Variants in HS6ST3 observed in about 807,000 individuals in gnomAD.
The protein encoded by HS6ST3 is heparan-sulfate 6-O-sulfotransferase 3.
In HS6ST3, 12 loss-of-function variants were observed where a neutral mutation model predicts 36.7. That is an observed-to-expected ratio of 0.33 (90% CI 0.21 to 0.53). The LOEUF is 0.53. Among genes scored for constraint, HS6ST3 ranks in the 20% least tolerant of loss-of-function variants. The pLI, the probability that HS6ST3 is intolerant of heterozygous loss-of-function variation, is 0.95. For missense variants in HS6ST3, 584 were observed against 640.9 expected (o/e 0.91, Z 0.96); for synonymous variants, 240 against 257.5 (o/e 0.93, Z 0.65).
chr13:96,597,304 A>G (rs542404235), intron 1 of HS6ST3, among the ~76,000 whole-genome samples: 2 of 151,894 alleles, frequency 1.3e-5, no homozygotes, highest in African/African-American at 4.8e-5. Flanking sequence ...GCTTACCTAC[A>G]TGACAAACCT....
chr13:96,437,054 C>T (rs1248173088), intron 1 of HS6ST3, among the ~76,000 whole-genome samples: 1 of 152,118 alleles, frequency 6.6e-6, no homozygotes, highest in Non-Finnish European at 1.5e-5. Context: ...TTCTAGAAGG[C>T]TGTAGTAGCT....
At chr13:96,297,527 C>T (rs777980484) in intron 1 of HS6ST3, among the ~76,000 whole-genome samples, 4 of 152,116 alleles carry the variant, frequency 2.6e-5, no homozygotes, top group African/African-American at 7.2e-5. Flanking sequence ...AGCAGGGTTC[C>T]TCCCAAATCA....
intron 1 of HS6ST3, among the ~76,000 whole-genome samples, chr13:96,123,634 T>A (rs917064179): frequency 1.3e-5 from 2 of 152,226 alleles, no homozygotes; most frequent in African/African-American, 4.8e-5. Flanking sequence ...TTTCCATTAC[T>A]GAGGAAAACC....
At chr13:96,661,279 C>T (rs1222034467) in intron 1 of HS6ST3, among the ~76,000 whole-genome samples, 2 of 152,096 alleles carry the variant, frequency 1.3e-5, no homozygotes, top group Non-Finnish European at 2.9e-5. Context: ...TATCTCCTTT[C>T]TTAGGTCTAG....
Position 96,799,966 on chromosome 13 carries a change from GTA to G in HS6ST3, c.708-32510_708-32509del, listed in dbSNP as rs1221321839. On this transcript the variant is annotated intron_variant, in intron 1 of 1. Coordinates refer to ENST00000376705, the MANE Select transcript of HS6ST3 (RefSeq NM_153456.4). ...TGTGTATATATATATATATATATGT[GTA>G]TATATATATATATGTATATATATAT... is the stretch of plus-strand genomic sequence containing the variant. Among the ~76,000 whole-genome samples the G allele has an allele frequency of 1.5e-3, 90 of 60,666 alleles. 4 individuals carry two copies. Among genetic ancestry groups the G allele is most frequent in the South Asian group, 8.0e-3 (21 of 2,640 alleles). The allele number at this position is 60,666 out of a possible 152,430, so 39.8% of individuals were successfully genotyped here.
chr13:96,293,469 C>T (rs77356465), intron 1 of HS6ST3, among the ~76,000 whole-genome samples: 321 of 152,108 alleles, frequency 2.1e-3, no homozygotes, highest in African/African-American at 7.0e-3. Context: ...AATTCTCATA[C>T]GTGTGCATAT....
intron 1 of HS6ST3, among the ~76,000 whole-genome samples, chr13:96,681,049 G>T (rs529861861): frequency 6.6e-6 from 1 of 152,252 alleles, no homozygotes; most frequent in East Asian, 1.9e-4. Flanking sequence ...TCCTCAAAAC[G>T]TGCCATATAG....
At chr13:96,686,548 G>A (rs908675470) in intron 1 of HS6ST3, among the ~76,000 whole-genome samples, 10 of 151,944 alleles carry the variant, frequency 6.6e-5, no homozygotes, top group African/African-American at 2.4e-4. Flanking sequence ...TTTGATTTTA[G>A]TACATCTACT....
chr13:96,116,991 T>C (rs1336946056), intron 1 of HS6ST3, among the ~76,000 whole-genome samples: 1 of 152,184 alleles, frequency 6.6e-6, no homozygotes, highest in Non-Finnish European at 1.5e-5. Flanking sequence ...TGACTACATA[T>C]ATAAACTTCA....
intron 1 of HS6ST3, among the ~76,000 whole-genome samples, chr13:96,309,282 G>A (rs928674044): frequency 4.6e-5 from 7 of 152,048 alleles, no homozygotes; most frequent in African/African-American, 1.4e-4. Context: ...TAAGCATAGC[G>A]CATAGGCATA....
intron 1 of HS6ST3, among the ~76,000 whole-genome samples, chr13:96,567,058 A>G (rs923550525): frequency 2.0e-5 from 3 of 152,182 alleles, no homozygotes. Flanking sequence ...AGAGGTATAG[A>G]TAGATGGATA....
chr13:96,415,935 T>A (rs1008740387), intron 1 of HS6ST3, among the ~76,000 whole-genome samples: 1 of 152,212 alleles, frequency 6.6e-6, no homozygotes, highest in Non-Finnish European at 1.5e-5. Context: ...AGTTGACTAT[T>A]AAAACTGAGA....
intron 1 of HS6ST3, among the ~76,000 whole-genome samples, chr13:96,242,554 T>C (rs975481746): frequency 2.6e-5 from 4 of 151,946 alleles, no homozygotes; most frequent in African/African-American, 9.7e-5. Context: ...AGTGGAATCA[T>C]ACAGTATTTG....
intron 1 of HS6ST3, among the ~76,000 whole-genome samples, chr13:96,398,620 T>C (rs190088633): frequency 1.3e-5 from 2 of 152,232 alleles, no homozygotes; most frequent in Non-Finnish European, 2.9e-5. Flanking sequence ...AGAAGTTAGG[T>C]TGCTATCGTA....
intron 1 of HS6ST3, among the ~76,000 whole-genome samples, chr13:96,343,577 A>G (rs918729125): frequency 6.6e-6 from 1 of 152,148 alleles, no homozygotes; most frequent in African/African-American, 2.4e-5. Context: ...AACATGACAT[A>G]TTCATAGGTT....
chr13:96,356,519 A>G (rs2055210985), intron 1 of HS6ST3, among the ~76,000 whole-genome samples: 1 of 152,156 alleles, frequency 6.6e-6, no homozygotes, highest in South Asian at 2.1e-4. Context: ...TTTCCATCAG[A>G]GCTCTTCGGT....
chr13:96,832,100 G>C (rs1048682285), intron 1 of HS6ST3, among the ~76,000 whole-genome samples: 4 of 151,772 alleles, frequency 2.6e-5, no homozygotes, highest in Admixed American at 2.6e-4. Flanking sequence ...AAAAAGGTTT[G>C]CTGTAAGGAT....
intron 1 of HS6ST3, among the ~76,000 whole-genome samples, chr13:96,803,471 G>T (rs1220726125): frequency 6.6e-6 from 1 of 152,172 alleles, no homozygotes; most frequent in African/African-American, 2.4e-5. Flanking sequence ...CTAGGGTATT[G>T]TTAGGAAATA....
chr13:96,297,493 A>C, intron 1 of HS6ST3, among the ~76,000 whole-genome samples: 1 of 152,110 alleles, frequency 6.6e-6, no homozygotes, highest in East Asian at 1.9e-4. Flanking sequence ...TTAAAGTGAA[A>C]AAGCTCTTTG....
Sources: allele counts gnomAD v4.1 joint callset (sites outside exome capture counted in the v4.1 genomes callset), GRCh38; gene constraint gnomAD v4.1.1; transcripts MANE v1.5; gene names NCBI Gene and HGNC (gene_info 2026-07-23, HGNC 2026-07-21).